CC2D2B: variants seen among roughly 807,000 people sequenced by gnomAD.
CC2D2B encodes protein CC2D2B.
In CC2D2B, 128 loss-of-function variants were observed where a neutral mutation model predicts 161.2. The observed-to-expected ratio is 0.79, with a 90% CI of 0.69 to 0.92. CC2D2B has a LOEUF of 0.92. CC2D2B is among the 40% of genes least tolerant of loss of function. The probability of loss-of-function intolerance (pLI) is 0.00; values close to 1 mark genes in which losing one functional copy is unlikely to be tolerated. For synonymous variants in CC2D2B, 391 were observed against 449.8 expected (o/e 0.87, Z 1.65); for missense variants, 1,173 against 1,375.1 (o/e 0.85, Z 2.32).
At chr10:95,955,182 A>G (rs2076531957) in intron 10 of CC2D2B, among the ~76,000 whole-genome samples, 2 of 152,088 alleles carry the variant, frequency 1.3e-5, no homozygotes, top group Non-Finnish European at 2.9e-5. Flanking sequence ...ATTAGATACT[A>G]AATTGATGTT....
chr10:95,915,094 T>G (rs2098513694), intron 2 of CC2D2B, among the ~76,000 whole-genome samples: 1 of 152,204 alleles, frequency 6.6e-6, no homozygotes, highest in Non-Finnish European at 1.5e-5. Flanking sequence ...GTTTCTTGCA[T>G]TTTATAGTTC....
intron 29 of CC2D2B, among the ~76,000 whole-genome samples, chr10:96,015,231 A>ATTTTTTTTTTTTTTTTTTTTTTTT (rs58739011): frequency 1.8e-5 from 2 of 111,332 alleles, no homozygotes; most frequent in Non-Finnish European, 3.5e-5. Context: ...GGCCCAGCTA[A>ATTTTTTTTTTTTTTTTTTTTTTTT]TTTTTTTTTT....
At chr10:95,968,151 A>AG (rs148993171) in intron 14 of CC2D2B, among the ~76,000 whole-genome samples, 5,778 of 152,266 alleles carry the variant, frequency 0.038, 162 homozygotes, top group South Asian at 0.079. Flanking sequence ...GTTCAGAGAT[A>AG]GGGTGGCCTC....
chr10:96,023,066 A>G (rs1339938301), intron 32 of CC2D2B, among the ~76,000 whole-genome samples: 1 of 152,014 alleles, frequency 6.6e-6, no homozygotes, highest in East Asian at 1.9e-4. Context: ...TGGGGTGGAC[A>G]GTCCTGGTGA....
At position 95,938,623 on chromosome 10, in the gene CC2D2B, A is replaced by G. The variant is rs927216449; in HGVS notation, c.590A>G (p.Glu197Gly). The change falls in exon 8 of 35, where the codon GAA becomes GGA. Residue 197 changes from glutamate to glycine, a missense_variant. By Grantham distance (98) the Glu-to-Gly change is moderately conservative. Coordinates refer to ENST00000646931, the MANE Select transcript of CC2D2B (RefSeq NM_001349008.3). ...KDMMPRILED[E>G]GFYIQRKPEI... ...ATGATGCCACGTATTCTAGAAGATGAAGGATTCTATATTCAGAGAAAGCCA... is the reference window on the plus strand; with the variant it reads ...ATGATGCCACGTATTCTAGAAGATGGAGGATTCTATATTCAGAGAAAGCCA... 8.4e-6 allele frequency: 6 copies of G among 713,324 alleles called. No individual in the cohort carries two copies. The African/African-American group carries it at 1.1e-4, about 13-fold the overall frequency. 44.2% of individuals were successfully genotyped at this position (713,324 alleles called of 1,614,324 possible). A position where few individuals can be genotyped will look rare whatever the true frequency, so the allele number is the denominator to read the frequency against.
Position 96,019,229 on chromosome 10 carries a change from AG to A in CC2D2B, c.3658del (p.Glu1220LysfsTer25), listed in dbSNP as rs2079347357. 1.2e-6 allele frequency: 2 copies of A among 1,611,040 alleles called. No homozygotes were observed. Among genetic ancestry groups the A allele is most frequent in the African/African-American group, 2.7e-5 (2 of 74,768 alleles). ...EGHVAYVVTQETNEYLLWNPS... is the reference protein window; with the variant it reads ...EGHVAYVVTQXTNEYLLWNPS... ...GGCATGTGGCTTATGTAGTAACTCA[AG>A]AAACTAATGAATATTTGCTTTGGAA... On this transcript the variant is annotated frameshift_variant, in exon 31 of 35. Coordinates refer to ENST00000646931, the MANE Select transcript of CC2D2B (RefSeq NM_001349008.3). LOFTEE classifies it high-confidence loss of function.
chr10:95,952,118 A>G (rs1359850178), intron 10 of CC2D2B, among the ~76,000 whole-genome samples: 1 of 152,190 alleles, frequency 6.6e-6, no homozygotes, highest in Non-Finnish European at 1.5e-5. Flanking sequence ...TGGGTGTGAA[A>G]TGTATGGCTT....
At position 95,950,020 on chromosome 10, in the gene CC2D2B, A is replaced by C; in HGVS notation, c.926A>C (p.Gln309Pro). The change falls in exon 10 of 35, where the codon CAA becomes CCA. Residue 309 changes from glutamine (Q) to proline (P), a missense_variant. Physicochemically the swap from Gln to Pro is moderately conservative, Grantham distance 76 (BLOSUM62 -1). Transcript: ENST00000646931. ...FSHHHLFNQE[Q>P]VLCARLLQLY... is the part of the protein sequence containing the mutation. ...CATCATCATCTCTTCAATCAAGAGCAAGTATTATGCGCAAGGCTTCTCCAA... is the reference window on the plus strand; with the variant it reads ...CATCATCATCTCTTCAATCAAGAGCCAGTATTATGCGCAAGGCTTCTCCAA... 1 of 398,826 alleles carries C rather than the reference A, an allele frequency of 2.5e-6. No individual in the cohort carries two copies. The highest frequency in any genetic ancestry group is 4.4e-5 in the Admixed American group (1 of 22,720). The allele number at this position is 398,826 out of a possible 1,614,324, so 24.7% of individuals were successfully genotyped here.
chr10:96,013,920 T>C, intron 29 of CC2D2B, 43 bp downstream of exon 29: 1 of 961,654 alleles, frequency 1.0e-6, no homozygotes, highest in Non-Finnish European at 1.4e-6. Context: ...ATATATAGTA[T>C]TTCTTTTAAG....
intron 19 of CC2D2B, chr10:95,984,655 T>C (rs867796834): frequency 6.6e-5 from 10 of 152,126 alleles, no homozygotes; most frequent in African/African-American, 2.2e-4. Context: ...GGCAGAAGGA[T>C]AGTTTGAGTC....
rs2077616393 is a variant in CC2D2B, at chr10:95,983,726, C to G, written c.2203C>G (p.Leu735Val). The G allele has an allele frequency of 8.1e-7, 1 of 1,230,984 alleles. No homozygotes were observed. The highest frequency in any genetic ancestry group is 1.0e-6 in the Non-Finnish European group (1 of 987,066). 76.3% of individuals were successfully genotyped at this position (1,230,984 alleles called of 1,614,324 possible). ...GAGTAAACGTTTCCAGCTATTGCAA[C>G]TTAGAAATGCAGGTCAATTAGATAA... ...AKSKRFQLLQ[L>V]RNAGQLDNFL... Residue 735 changes from leucine to valine, a missense_variant, in exon 19 of 35, where the codon CTT becomes GTT. Leu to Val is a conservative substitution (Grantham distance 32). This residue lies in a region of CC2D2B where 277 missense variants were observed against 420.6 expected (regional missense o/e 0.66). Coordinates refer to ENST00000646931, the MANE Select transcript of CC2D2B (RefSeq NM_001349008.3).
intron 6 of CC2D2B, 28 bp downstream of exon 6, chr10:95,927,360 A>G: frequency 8.4e-7 from 1 of 1,186,874 alleles, no homozygotes; most frequent in South Asian, 1.4e-5. Flanking sequence ...CCCTCCCACC[A>G]TCTCACTCTC....
intron 34 of CC2D2B, among the ~76,000 whole-genome samples, chr10:96,030,729 G>T (rs910140096): frequency 6.6e-6 from 1 of 152,138 alleles, no homozygotes; most frequent in African/African-American, 2.4e-5. Context: ...TATGGTAAAA[G>T]AAGTAAGGTA....
intron 2 of CC2D2B, among the ~76,000 whole-genome samples, 195 bp from the exon 3 acceptor site, chr10:95,921,821 T>C (rs2098527925): frequency 6.6e-6 from 1 of 151,872 alleles, no homozygotes; most frequent in Non-Finnish European, 1.5e-5. Flanking sequence ...GGGGGAGGGA[T>C]AGCATTAGGA....
chr10:95,944,900 T>C (rs951083577), intron 9 of CC2D2B, among the ~76,000 whole-genome samples: 3 of 152,224 alleles, frequency 2.0e-5, no homozygotes, highest in African/African-American at 7.2e-5. Flanking sequence ...TGAATGTGTC[T>C]CCTCTAAAAT....
At chr10:95,947,263 T>A (rs1175638836) in intron 9 of CC2D2B, among the ~76,000 whole-genome samples, 1 of 149,948 alleles carries the variant, frequency 6.7e-6, no homozygotes, top group Non-Finnish European at 1.5e-5. Context: ...CAGGGACCCA[T>A]CACCACTCCC....
chr10:96,031,553 A>G (rs2080067368), intron 34 of CC2D2B, among the ~76,000 whole-genome samples: 1 of 152,198 alleles, frequency 6.6e-6, no homozygotes. Flanking sequence ...GGAATGTTAC[A>G]TGTGCAGGCT....
chr10:96,012,539 A>G lies in CC2D2B; in HGVS notation c.3236A>G (p.Asp1079Gly), dbSNP rs2141862570. The G allele has an allele frequency of 6.2e-7, 1 of 1,605,772 alleles. No individual in the cohort carries two copies. The highest frequency in any genetic ancestry group is 8.5e-7 in the Non-Finnish European group (1 of 1,172,890). ...TCNPTLDKFL[D>G]QTEVLQRAQI... ...CTTTACATTTTATTGTAGTTTTTAG[A>G]TCAAACAGAGGTCTTGCAGAGAGCA... is the stretch of plus-strand genomic sequence containing the variant. Residue 1079 changes from aspartate to glycine, a missense_variant, in exon 28 of 35, where the codon GAT (aspartate) becomes GGT (glycine). Transcript: ENST00000646931.
At chr10:96,012,484 G>A (rs2079035287) in intron 27 of CC2D2B, 48 bp from the exon 28 acceptor site, 3 of 1,342,920 alleles carry the variant, frequency 2.2e-6, no homozygotes, top group African/African-American at 1.5e-5. Flanking sequence ...ATATTTTCTT[G>A]TGAGAACAAT....
Sources: allele counts gnomAD v4.1 joint callset (sites outside exome capture counted in the v4.1 genomes callset), GRCh38; gene constraint gnomAD v4.1.1; regional missense constraint gnomAD v4.1.1; transcripts MANE v1.5; gene names NCBI Gene and HGNC (gene_info 2026-07-23, HGNC 2026-07-21).